Variants in PIEZO2 observed in about 807,000 individuals in gnomAD.
PIEZO2 encodes the protein piezo type mechanosensitive ion channel component 2.
PIEZO2 carries 172 observed loss-of-function variants against 337.3 expected under a neutral mutation model. That is an observed-to-expected ratio of 0.51 (90% CI 0.45 to 0.58). The LOEUF is 0.58. PIEZO2 is among the 20% of genes least tolerant of loss of function. PIEZO2 has a pLI of 0.00. For synonymous variants in PIEZO2, 1,251 were observed against 1,228.5 expected, an observed-to-expected ratio of 1.02 and a Z score of -0.38; for missense variants, 3,028 against 3,391.3, an observed-to-expected ratio of 0.89 and a Z score of 2.66.
In PIEZO2 at chr18:11,033,464, T is replaced by G. The variant is rs2036811227; in HGVS notation, c.160+32663A>C. Among the ~76,000 whole-genome samples, 1 of 152,222 alleles carries G rather than the reference T, an allele frequency of 6.6e-6. No individual in the cohort carries two copies. Among genetic ancestry groups the G allele is most frequent in the Admixed American group, 6.5e-5 (1 of 15,284 alleles). The stretch of plus-strand genomic sequence containing the variant: ...TTTAGACTGTGATTAATGTCAAAGT[T>G]AGCATAATGTTGATTTAGAGAAAGT... On this transcript the variant is annotated intron_variant, in intron 2 of 55. Coordinates refer to ENST00000674853, the MANE Select transcript of PIEZO2 (RefSeq NM_001378183.1). This position sits in a 1 kb window ranked among gnomAD's most constrained non-coding sequence, Gnocchi z 4.2.
rs1266651371 is a variant in PIEZO2 at position 10,855,312 on chromosome 18, G to T, written c.917+41C>A. The T allele has an allele frequency of 2.0e-6, 3 of 1,482,502 alleles. No individual in the cohort carries two copies. The Admixed American group carries it at 5.9e-5, about 29-fold the overall frequency. The allele number at this position is 1,482,502 out of a possible 1,614,324, so 91.8% of individuals were successfully genotyped here. On this transcript the variant is annotated intron_variant, in intron 7 of 55. Coordinates refer to ENST00000674853, the MANE Select transcript of PIEZO2 (RefSeq NM_001378183.1). The surrounding 1 kb of genome is among the most constrained non-coding windows in gnomAD (Gnocchi z 4.9). ...CAAACCAAGGTCCCAAAGGCGTGGG[G>T]GGACAACCTCTCCTGGAAATGCCAT... is the stretch of plus-strand genomic sequence containing the variant.
chr18:10,773,452 T>C lies in PIEZO2; in HGVS notation c.2745A>G (p.Gly915=). ...CCTCCTCGGATTCCTCCTCTTCCTC[T>C]CCGTCCTCCTCTGACTCCTCGCTGT... ...GKDSEESEED[G]EEEEESEEEE... is the part of the protein sequence containing the mutation. Residue 915 remains glycine, a synonymous_variant, in exon 20 of 56, where the codon GGA becomes GGG. Coordinates refer to ENST00000674853, the MANE Select transcript of PIEZO2 (RefSeq NM_001378183.1). This position sits in a 1 kb window ranked among gnomAD's most constrained non-coding sequence, Gnocchi z 5.3. The C allele has an allele frequency of 6.5e-7, 1 of 1,537,430 alleles. No individual in the cohort carries two copies. The highest frequency in any genetic ancestry group is 8.7e-7 in the Non-Finnish European group (1 of 1,146,970).
At position 11,077,616 on chromosome 18, in the gene PIEZO2, A is replaced by G. The variant is rs2038590274; in HGVS notation, c.65-11394T>C. On this transcript the variant is annotated intron_variant, in intron 1 of 55. Transcript: ENST00000674853. The surrounding 1 kb of genome is among the most constrained non-coding windows in gnomAD (Gnocchi z 4.8). ...CTTGAGCCCAGGAGTTCGAGGCTGC[A>G]GTGAGCTGTGATCGCACCACTGCAC... Among the ~76,000 whole-genome samples the G allele has an allele frequency of 6.6e-6, 1 of 152,216 alleles. No individual in the cohort carries two copies. The highest frequency in any genetic ancestry group is 1.9e-4 in the East Asian group (1 of 5,192).
intron 7 of PIEZO2, among the ~76,000 whole-genome samples, chr18:10,851,003 G>A (rs1332944892): frequency 6.6e-6 from 1 of 152,078 alleles, no homozygotes; most frequent in African/African-American, 2.4e-5. Context: ...ACTGTTTTAA[G>A]GGCAGCTTTA....
chr18:11,048,205 A>T lies in PIEZO2; in HGVS notation c.160+17922T>A, dbSNP rs995833106. Among the ~76,000 whole-genome samples, 1 of 152,222 alleles carries T rather than the reference A, an allele frequency of 6.6e-6. No homozygotes were observed. Among genetic ancestry groups the T allele is most frequent in the Non-Finnish European group, 1.5e-5 (1 of 68,044 alleles). On this transcript the variant is annotated intron_variant, in intron 2 of 55. Coordinates refer to ENST00000674853, the MANE Select transcript of PIEZO2 (RefSeq NM_001378183.1). This position sits in a 1 kb window ranked among gnomAD's most constrained non-coding sequence, Gnocchi z 4.5. ...CCCCTTAAGGGCACAAAATACTGGCAAGCAAAAATGCAGAAAATAAATCTA... is the reference window on the plus strand; with the variant it reads ...CCCCTTAAGGGCACAAAATACTGGCTAGCAAAAATGCAGAAAATAAATCTA...
intron 18 of PIEZO2, among the ~76,000 whole-genome samples, chr18:10,779,878 T>G (rs564887794): frequency 6.6e-6 from 1 of 152,032 alleles, no homozygotes; most frequent in Admixed American, 6.6e-5. Context: ...GGAAGGCAAG[T>G]GTCGGGACAG....
rs943946905 is a variant in PIEZO2 at position 11,148,393 on chromosome 18, C to T, written c.64+132G>A. 4.9e-6 allele frequency: 5 copies of T among 1,011,098 alleles called. No homozygotes were observed. Among genetic ancestry groups the T allele is most frequent in the Non-Finnish European group, 7.3e-6 (5 of 685,896 alleles). The allele number at this position is 1,011,098 out of a possible 1,614,324, so 62.6% of individuals were successfully genotyped here. A position where few individuals can be genotyped will look rare whatever the true frequency, so the allele number is the denominator to read the frequency against. The stretch of plus-strand genomic sequence containing the variant: ...GAGCCAGGCTGTGCACCAGGGACAG[C>T]GCGCGTCTGACGCCGCTGGCCTCCC... On this transcript the variant is annotated intron_variant, in intron 1 of 55. Coordinates refer to ENST00000674853, the MANE Select transcript of PIEZO2 (RefSeq NM_001378183.1). The surrounding 1 kb of genome is among the most constrained non-coding windows in gnomAD (Gnocchi z 5.2).
At position 10,677,559 on chromosome 18, in the gene PIEZO2, G is replaced by T; in HGVS notation, c.8081+188C>A. On this transcript the variant is annotated intron_variant, in intron 53 of 55. Transcript: ENST00000674853. This position sits in a 1 kb window ranked among gnomAD's most constrained non-coding sequence, Gnocchi z 4.1. ...ACATAGACATAACCCTGGGGACAGT[G>T]GACAGAAAACTCCATAGCTGAGATT... 1.7e-6 allele frequency: 1 copy of T among 599,868 alleles called. No individual in the cohort carries two copies. The highest frequency in any genetic ancestry group is 1.9e-5 in the African/African-American group (1 of 52,314). The allele number at this position is 599,868 out of a possible 1,614,324, so 37.2% of individuals were successfully genotyped here.
chr18:11,010,222 G>C (rs1344981644), intron 2 of PIEZO2, among the ~76,000 whole-genome samples: 1 of 152,172 alleles, frequency 6.6e-6, no homozygotes, highest in Non-Finnish European at 1.5e-5. Flanking sequence ...GATAGCACCT[G>C]TCTTTGAGTA....
chr18:10,853,164 T>C lies in PIEZO2; in HGVS notation c.917+2189A>G, dbSNP rs761922596. ...CAAGTGAGCATGCGCACAACTCCAG[T>C]AAACAGACTACATGCAGCCCCTCCC... On this transcript the variant is annotated intron_variant, in intron 7 of 55. Transcript: ENST00000674853. This position sits in a 1 kb window ranked among gnomAD's most constrained non-coding sequence, Gnocchi z 4.2. 6.6e-6 allele frequency among the ~76,000 whole-genome samples: 1 copy of C among 152,096 alleles called. No homozygotes were observed. Among genetic ancestry groups the C allele is most frequent in the Non-Finnish European group, 1.5e-5 (1 of 68,006 alleles).
At chr18:10,809,261 T>TC (rs1491134871) in intron 7 of PIEZO2, among the ~76,000 whole-genome samples, 1 of 36,748 alleles carries the variant, frequency 2.7e-5, no homozygotes, top group East Asian at 6.7e-4. Flanking sequence ...TCTCTCTCTC[T>TC]TTTTTTTTTT....
Position 10,748,737 on chromosome 18 carries a change from G to T in PIEZO2, c.4265-107C>A. On this transcript the variant is annotated intron_variant, in intron 29 of 55. Transcript: ENST00000674853. The surrounding 1 kb of genome is among the most constrained non-coding windows in gnomAD (Gnocchi z 5.1). Reference sequence around the variant, plus strand: ...CTTGGGAAATATAGGCATAAAAGCAGCATTCTGATGCTCTGACTTACTTAT... The same window carrying T: ...CTTGGGAAATATAGGCATAAAAGCATCATTCTGATGCTCTGACTTACTTAT... 6.0e-6 allele frequency: 6 copies of T among 992,924 alleles called. No homozygotes were observed. Among genetic ancestry groups the T allele is most frequent in the African/African-American group, 1.7e-5 (1 of 59,440 alleles). 61.5% of individuals were successfully genotyped at this position (992,924 alleles called of 1,614,324 possible). A position where few individuals can be genotyped will look rare whatever the true frequency, so the allele number is the denominator to read the frequency against.
rs779796913 is a variant in PIEZO2, at chr18:10,784,545, T to G, written c.2492+239A>C. On this transcript the variant is annotated intron_variant, in intron 17 of 55. Coordinates refer to ENST00000674853, the MANE Select transcript of PIEZO2 (RefSeq NM_001378183.1). The surrounding 1 kb of genome is among the most constrained non-coding windows in gnomAD (Gnocchi z 4.5). ...TAAGTCTCCACAGCTACTCTGAATA[T>G]CTCACAAGACGATCAAGATCACTTT... 1.2e-4 allele frequency among the ~76,000 whole-genome samples: 19 copies of G among 152,204 alleles called. No individual in the cohort carries two copies. Among genetic ancestry groups the G allele is most frequent in the Non-Finnish European group, 2.6e-4 (18 of 68,038 alleles).
Position 10,980,143 on chromosome 18 carries a change from TA to T in PIEZO2, c.161-484del, listed in dbSNP as rs1381469599. Reference sequence around the variant, plus strand: ...TGTTACTCATAACATAGATATGAATTATTTTTTTTAAATGTGTTAACCAACT... The same window carrying T: ...TGTTACTCATAACATAGATATGAATTTTTTTTTTAAATGTGTTAACCAACT... On this transcript the variant is annotated intron_variant, in intron 2 of 55. Transcript: ENST00000674853. This position sits in a 1 kb window ranked among gnomAD's most constrained non-coding sequence, Gnocchi z 4.8. 1.3e-5 allele frequency among the ~76,000 whole-genome samples: 2 copies of T among 151,596 alleles called. No homozygotes were observed. The highest frequency in any genetic ancestry group is 2.9e-5 in the Non-Finnish European group (2 of 67,942).
intron 1 of PIEZO2, among the ~76,000 whole-genome samples, chr18:11,130,291 T>C (rs1421802614): frequency 6.6e-6 from 1 of 152,228 alleles, no homozygotes; most frequent in Non-Finnish European, 1.5e-5. Context: ...CAGATGTGGT[T>C]TCATTGCTTG....
intron 42 of PIEZO2, 117 bp from the exon 43 acceptor site, chr18:10,702,288 G>A: frequency 1.0e-6 from 1 of 952,934 alleles, no homozygotes; most frequent in Non-Finnish European, 1.5e-6. Context: ...CAGTTTTGAT[G>A]GTAGGCAGGC....
Position 11,033,662 on chromosome 18 carries a change from T to C in PIEZO2, c.160+32465A>G, listed in dbSNP as rs953650075. Among the ~76,000 whole-genome samples the C allele has an allele frequency of 1.3e-5, 2 of 152,012 alleles. No homozygotes were observed. The highest frequency in any genetic ancestry group is 4.8e-5 in the African/African-American group (2 of 41,336). ...AACCATATAACGAGTCAGACATATA[T>C]AGCACATGCCAGAAATGAAGCACTT... On this transcript the variant is annotated intron_variant, in intron 2 of 55. Transcript: ENST00000674853. The surrounding 1 kb of genome is among the most constrained non-coding windows in gnomAD (Gnocchi z 4.2).
rs911288451 is a variant in PIEZO2, at chr18:11,009,964, A to G, written c.161-30304T>C. On this transcript the variant is annotated intron_variant, in intron 2 of 55. Transcript: ENST00000674853. This position sits in a 1 kb window ranked among gnomAD's most constrained non-coding sequence, Gnocchi z 4.6. ...CAAATATCCAGCCTCCAGAATGGTG[A>G]GATAATAAACGTCTGCTGTTGAAGC... Among the ~76,000 whole-genome samples the G allele has an allele frequency of 6.6e-6, 1 of 152,154 alleles. No individual in the cohort carries two copies. The highest frequency in any genetic ancestry group is 6.5e-5 in the Admixed American group (1 of 15,278).
At chr18:11,107,721 C>A (rs1474605341) in intron 1 of PIEZO2, among the ~76,000 whole-genome samples, 1 of 152,160 alleles carries the variant, frequency 6.6e-6, no homozygotes, top group Non-Finnish European at 1.5e-5. Context: ...TGTAATTTCA[C>A]CTTCTCTTTT....
Sources: gnomAD v4.1 joint callset for allele counts (sites outside exome capture counted in the v4.1 genomes callset) on GRCh38, gnomAD v4.1.1 for gene constraint, Gnocchi (gnomAD v3.1) non-coding constraint, MANE v1.5 for transcripts, NCBI Gene and HGNC (gene_info 2026-07-23, HGNC 2026-07-21) for gene names.